Variants in PRSS23 observed in about 807,000 individuals in gnomAD.
PRSS23 encodes serine protease 23.
In PRSS23, 25 loss-of-function variants were observed where a neutral mutation model predicts 34.7. That is an observed-to-expected ratio of 0.72 (90% CI 0.53 to 1.01). The LOEUF is 1.01. Ranked by LOEUF, PRSS23 falls within the 50% of genes least tolerant of loss-of-function variation. PRSS23 has a pLI of 0.00. For synonymous variants in PRSS23, 176 were observed against 186.6 expected (o/e 0.94, Z 0.46); for missense variants, 445 against 475.6 (o/e 0.94, Z 0.60).
chr11:86,880,079 CTT>C (rs1381953583), intron 2 of PRSS23, among the ~76,000 whole-genome samples: 1 of 151,794 alleles, frequency 6.6e-6, no homozygotes, highest in Non-Finnish European at 1.5e-5. Flanking sequence ...ACACGGGAGA[CTT>C]TTCATTTTGT....
rs1948131376 is a variant in PRSS23 at position 86,808,278 on chromosome 11, C to A, written c.635C>A (p.Ala212Asp). Reference protein sequence around the residue: ...GGRGANDSTSAMPEQMKFQWI... With the variant: ...GGRGANDSTSDMPEQMKFQWI... Reference sequence around the variant, plus strand: ...CGAGGGGCCAACGACTCCACTTCAGCCATGCCCGAGCAGATGAAATTTCAG... The same window carrying A: ...CGAGGGGCCAACGACTCCACTTCAGACATGCCCGAGCAGATGAAATTTCAG... The change falls in exon 2 of 2, where the codon GCC (alanine) becomes GAC (aspartate). Residue 212 changes from alanine (A) to aspartate (D), a missense_variant. Physicochemically the swap from Ala to Asp is moderately radical, Grantham distance 126. Transcript: ENST00000280258. 2.5e-6 allele frequency: 4 copies of A among 1,614,076 alleles called. No homozygotes were observed. Among genetic ancestry groups the A allele is most frequent in the Non-Finnish European group, 3.4e-6 (4 of 1,180,056 alleles).
chr11:86,944,947 A>AACCAAGAGGCC (rs909287448), intron 2 of PRSS23, among the ~76,000 whole-genome samples: 34 of 152,274 alleles, frequency 2.2e-4, no homozygotes, highest in African/African-American at 6.7e-4. Flanking sequence ...TTTAAAAGCA[A>AACCAAGAGGCC]ACCAAGAGGC....
At chr11:86,840,083 C>G (rs1369865714) in intron 2 of PRSS23, among the ~76,000 whole-genome samples, 2 of 151,956 alleles carry the variant, frequency 1.3e-5, no homozygotes, top group African/African-American at 4.8e-5. Context: ...ATGACAGGAT[C>G]AAATTCAAAC....
intron 2 of PRSS23, among the ~76,000 whole-genome samples, chr11:86,865,430 G>A (rs1195330888): frequency 6.6e-6 from 1 of 152,214 alleles, no homozygotes; most frequent in Non-Finnish European, 1.5e-5. Flanking sequence ...TCACTCTGAT[G>A]TTGTTTCAGC....
chr11:86,866,050 G>A (rs1250790585), intron 2 of PRSS23, among the ~76,000 whole-genome samples: 2 of 152,146 alleles, frequency 1.3e-5, no homozygotes, highest in African/African-American at 4.8e-5. Flanking sequence ...CTCACTTCTT[G>A]TGTGGCCTCC....
At chr11:86,833,185 A>G (rs1948374189) in intron 2 of PRSS23, 2 of 1,083,422 alleles carry the variant, frequency 1.8e-6, no homozygotes, top group Non-Finnish European at 2.8e-6. Context: ...TGCATAGGAG[A>G]TGACTCTGCT....
chr11:86,906,249 T>G (rs1948941352), intron 2 of PRSS23, among the ~76,000 whole-genome samples: 1 of 152,204 alleles, frequency 6.6e-6, no homozygotes, highest in African/African-American at 2.4e-5. Context: ...TTCCCGGGCC[T>G]TCTCCACCCT....
chr11:86,841,285 G>T lies in PRSS23; in HGVS notation c.206+17692G>T, dbSNP rs527971348. 3.8e-4 allele frequency among the ~76,000 whole-genome samples: 53 copies of T among 141,294 alleles called. No individual in the cohort carries two copies. The South Asian group carries it at 0.011, about 29-fold the overall frequency. The allele number at this position is 141,294 out of a possible 152,430, so 92.7% of individuals were successfully genotyped here. A position where few individuals can be genotyped will look rare whatever the true frequency, so the allele number is the denominator to read the frequency against. On this transcript the variant is annotated intron_variant, in intron 2 of 2. Transcript: ENST00000533902. ...ACCTGGGAGGTGGAGGTTGCAATGA[G>T]CCAAGATTGAGCCATTGCACTCCAG...
intron 2 of PRSS23, among the ~76,000 whole-genome samples, chr11:86,835,866 A>G (rs148932513): frequency 6.6e-6 from 1 of 152,148 alleles, no homozygotes; most frequent in East Asian, 1.9e-4. Flanking sequence ...CTAAAAGTAA[A>G]TCATCCACGT....
intron 2 of PRSS23, among the ~76,000 whole-genome samples, chr11:86,886,819 A>G (rs561233280): frequency 6.6e-6 from 1 of 152,280 alleles, no homozygotes; most frequent in African/African-American, 2.4e-5. Flanking sequence ...GGCACCTGTA[A>G]TCCCAGCTAC....
intron 2 of PRSS23, among the ~76,000 whole-genome samples, chr11:86,849,858 G>A (rs1442988240): frequency 6.6e-6 from 1 of 152,048 alleles, no homozygotes; most frequent in Non-Finnish European, 1.5e-5. Flanking sequence ...ACCCTACAAA[G>A]CCAGCTTAAT....
At chr11:86,802,570 T>C (rs191400751) in intron 1 of PRSS23, among the ~76,000 whole-genome samples, 1 of 152,340 alleles carries the variant, frequency 6.6e-6, no homozygotes, top group East Asian at 1.9e-4. Flanking sequence ...TTGTCATCTC[T>C]CCAAATGGTG....
chr11:86,885,474 T>G (rs1453609280), intron 2 of PRSS23, among the ~76,000 whole-genome samples: 2 of 152,206 alleles, frequency 1.3e-5, no homozygotes, highest in East Asian at 3.8e-4. Flanking sequence ...ATGAGGGTAT[T>G]TGGATGAGAT....
intron 2 of PRSS23, among the ~76,000 whole-genome samples, chr11:86,860,234 T>C (rs915468109): frequency 1.3e-5 from 2 of 152,016 alleles, no homozygotes; most frequent in Admixed American, 6.6e-5. Flanking sequence ...TGTGATATTG[T>C]CGCTCATATC....
chr11:86,833,938 T>G (rs1028188289), intron 2 of PRSS23, among the ~76,000 whole-genome samples: 5 of 152,120 alleles, frequency 3.3e-5, no homozygotes, highest in African/African-American at 4.8e-5. Flanking sequence ...AGGGGTGCCT[T>G]CGATGTCATT....
In PRSS23 at chr11:86,809,928, A is replaced by G. The variant is rs1296246318; in HGVS notation, c.*1133A>G. On this transcript the variant is annotated 3_prime_UTR_variant, in exon 2 of 2. Transcript: ENST00000280258. The stretch of plus-strand genomic sequence containing the variant: ...ATTTGGAAACTTTTCTCTCTCATTT[A>G]TAGTGAAAATACTTGGAAGTTACTT... 6.0e-6 allele frequency: 1 copy of G among 167,016 alleles called. No individual in the cohort carries two copies. The highest frequency in any genetic ancestry group is 6.5e-5 in the Admixed American group (1 of 15,278). The allele number at this position is 167,016 out of a possible 1,614,324, so 10.3% of individuals were successfully genotyped here.
At chr11:86,870,207 A>G (rs1948675539) in intron 2 of PRSS23, among the ~76,000 whole-genome samples, 1 of 151,906 alleles carries the variant, frequency 6.6e-6, no homozygotes, top group Non-Finnish European at 1.5e-5. Flanking sequence ...CAGAGTCATC[A>G]TCTGTGCCTT....
intron 2 of PRSS23, among the ~76,000 whole-genome samples, chr11:86,869,466 A>G (rs2155079): frequency 0.58 from 88,248 of 152,002 alleles, 27,007 homozygotes; most frequent in African/African-American, 0.77. Context: ...CCCCGCCTTC[A>G]AGTTGCTCCG....
At chr11:86,900,781 C>CTCTCTCTCTTTTTTTTTTTT (rs775258446) in intron 2 of PRSS23, among the ~76,000 whole-genome samples, 3 of 94,020 alleles carry the variant, frequency 3.2e-5, no homozygotes, top group African/African-American at 1.3e-4. Context: ...ATCTCTCTCT[C>CTCTCTCTCTTTTTTTTTTTT]TTTTTTTTTT....
Sources: allele counts gnomAD v4.1 joint callset (sites outside exome capture counted in the v4.1 genomes callset), GRCh38; gene constraint gnomAD v4.1.1; transcripts MANE v1.5; gene names NCBI Gene and HGNC (gene_info 2026-07-23, HGNC 2026-07-21).